PAX5: variants seen among roughly 807,000 people sequenced by gnomAD.
PAX5 encodes paired box 5.
A neutral mutation model predicts 43.7 loss-of-function variants in PAX5; 9 were observed. That is an observed-to-expected ratio of 0.21 (90% CI 0.12 to 0.36). The LOEUF (loss-of-function observed/expected upper bound fraction) is 0.36, where lower values mean the gene tolerates loss of function less well. Ranked by LOEUF, PAX5 falls within the 10% of genes least tolerant of loss-of-function variation. The pLI is 1.00. For missense variants in PAX5, 383 were observed against 532.7 expected (o/e 0.72, Z 2.77); for synonymous variants, 228 against 214.3 (o/e 1.06, Z -0.56).
intron 5 of PAX5, among the ~76,000 whole-genome samples, chr9:36,979,087 G>A (rs1489357861): frequency 6.6e-6 from 1 of 152,194 alleles, no homozygotes; most frequent in Non-Finnish European, 1.5e-5. Context: ...TCATGTTTCG[G>A]TGATAGTACC....
chr9:37,000,228 C>T (rs758534320), intron 5 of PAX5, among the ~76,000 whole-genome samples: 25 of 152,276 alleles, frequency 1.6e-4, no homozygotes, highest in East Asian at 5.8e-4. Context: ...GGTGTGAGCC[C>T]GGCCATTGCT....
intron 6 of PAX5, among the ~76,000 whole-genome samples, chr9:36,935,249 G>A (rs993024443): frequency 2.6e-5 from 4 of 152,154 alleles, no homozygotes; most frequent in African/African-American, 9.7e-5. Flanking sequence ...GCATGGTGGT[G>A]CATGCCTGTA....
intron 8 of PAX5, among the ~76,000 whole-genome samples, chr9:36,851,200 C>T (rs1180175418): frequency 6.6e-6 from 1 of 152,188 alleles, no homozygotes; most frequent in Non-Finnish European, 1.5e-5. Flanking sequence ...ACTACCTTTT[C>T]CCCAGGCCAA....
At position 36,837,781 on chromosome 9, in the gene PAX5, G is replaced by C. The variant is rs564284640; in HGVS notation, c.*2779C>G. Reference sequence around the variant, plus strand: ...GCCTCAGGTGAGGGAGGAAAGGTATGGGGGGAGCTCATTACAGGGCAAGAA... The same window carrying C: ...GCCTCAGGTGAGGGAGGAAAGGTATCGGGGGAGCTCATTACAGGGCAAGAA... On this transcript the variant is annotated 3_prime_UTR_variant, in exon 10 of 10. Coordinates refer to ENST00000358127, the MANE Select transcript of PAX5 (RefSeq NM_016734.3). 2 of 233,424 alleles carry C rather than the reference G, an allele frequency of 8.6e-6. No individual in the cohort carries two copies. The highest frequency in any genetic ancestry group is 5.6e-5 in the Admixed American group (1 of 17,800). 14.5% of individuals were successfully genotyped at this position (233,424 alleles called of 1,614,324 possible).
At chr9:36,978,813 G>A (rs556520437) in intron 5 of PAX5, among the ~76,000 whole-genome samples, 40 of 152,240 alleles carry the variant, frequency 2.6e-4, no homozygotes, top group Admixed American at 2.1e-3. Context: ...CCATTTCGAT[G>A]GGGCTGATGG....
At chr9:36,984,887 A>G (rs1836265470) in intron 5 of PAX5, among the ~76,000 whole-genome samples, 2 of 152,208 alleles carry the variant, frequency 1.3e-5, no homozygotes. Context: ...ATTTTTTCCC[A>G]GTGGTCACAC....
chr9:36,899,552 G>T (rs897639544), intron 7 of PAX5, among the ~76,000 whole-genome samples: 9 of 151,368 alleles, frequency 5.9e-5, no homozygotes, highest in Non-Finnish European at 1.2e-4. Flanking sequence ...CTTTTTTTTT[G>T]AGCCCAATCG....
intron 5 of PAX5, among the ~76,000 whole-genome samples, chr9:36,986,606 G>A (rs947984109): frequency 2.6e-5 from 4 of 152,110 alleles, no homozygotes; most frequent in African/African-American, 9.7e-5. Flanking sequence ...CCTCCTGGAA[G>A]TCGTCTGCCC....
At chr9:37,033,894 G>A (rs150432925) in intron 1 of PAX5, 92 bp downstream of exon 1, 3 of 1,110,366 alleles carry the variant, frequency 2.7e-6, no homozygotes, top group African/African-American at 3.1e-5. Context: ...AATGCGGCGC[G>A]CCCCCTCCTC....
At chr9:36,897,816 C>T (rs191075792) in intron 7 of PAX5, among the ~76,000 whole-genome samples, 1 of 152,366 alleles carries the variant, frequency 6.6e-6, no homozygotes, top group African/African-American at 2.4e-5. Context: ...AATTACAACA[C>T]TTTCTTTTGT....
At chr9:36,982,425 A>G (rs1166987076) in intron 5 of PAX5, among the ~76,000 whole-genome samples, 2 of 152,234 alleles carry the variant, frequency 1.3e-5, no homozygotes, top group African/African-American at 4.8e-5. Flanking sequence ...ACCCAGTCTC[A>G]GCCCTCAGGG....
Position 37,033,975 on chromosome 9 carries a change from C to T in PAX5, c.46+11G>A. On this transcript the variant is annotated intron_variant, in intron 1 of 9. Transcript: ENST00000358127. ...GAGTTTGCACATCTGGAGCCCGTATCGCGGTCCTACCTGTCCTGCTGGTCC... is the reference window on the plus strand; with the variant it reads ...GAGTTTGCACATCTGGAGCCCGTATTGCGGTCCTACCTGTCCTGCTGGTCC... 2 of 1,611,474 alleles carry T rather than the reference C, an allele frequency of 1.2e-6. No homozygotes were observed. Among genetic ancestry groups the T allele is most frequent in the Non-Finnish European group, 8.5e-7 (1 of 1,179,402 alleles).
At chr9:36,920,453 C>T (rs1299606635) in intron 7 of PAX5, among the ~76,000 whole-genome samples, 1 of 152,142 alleles carries the variant, frequency 6.6e-6, no homozygotes, top group Non-Finnish European at 1.5e-5. Flanking sequence ...CAAGACCCTC[C>T]ACCAGCAAAA....
intron 7 of PAX5, among the ~76,000 whole-genome samples, chr9:36,898,916 C>T (rs1420562224): frequency 6.6e-6 from 1 of 152,098 alleles, no homozygotes; most frequent in East Asian, 1.9e-4. Context: ...ACTGCAGACA[C>T]CCATCGCCAC....
intron 6 of PAX5, among the ~76,000 whole-genome samples, chr9:36,956,127 A>G (rs549761004): frequency 2.0e-5 from 3 of 152,294 alleles, no homozygotes; most frequent in African/African-American, 4.8e-5. Flanking sequence ...TCAAAAGTCA[A>G]TTCTCACACA....
chr9:36,881,262 C>T (rs1027930168), intron 8 of PAX5, among the ~76,000 whole-genome samples: 5 of 152,198 alleles, frequency 3.3e-5, no homozygotes, highest in East Asian at 3.9e-4. Flanking sequence ...GGAGACAATG[C>T]TAACTCATAA....
At chr9:36,881,928 C>T (rs940685514) in intron 8 of PAX5, 76 bp downstream of exon 8, 40 of 1,055,878 alleles carry the variant, frequency 3.8e-5, no homozygotes, top group Non-Finnish European at 5.5e-5. Flanking sequence ...GTCACCCAGG[C>T]TGTTTGGGGG....
At chr9:36,898,751 A>G (rs1375492052) in intron 7 of PAX5, among the ~76,000 whole-genome samples, 1 of 152,098 alleles carries the variant, frequency 6.6e-6, no homozygotes, top group Non-Finnish European at 1.5e-5. Flanking sequence ...TCCTCGCCAC[A>G]TGAGGGGGCA....
At chr9:36,987,170 G>A (rs1426601759) in intron 5 of PAX5, among the ~76,000 whole-genome samples, 1 of 152,230 alleles carries the variant, frequency 6.6e-6, no homozygotes, top group Non-Finnish European at 1.5e-5. Flanking sequence ...GCTGCATTCA[G>A]GGAAAGGCGC....
Sources: gnomAD v4.1 joint callset for allele counts (sites outside exome capture counted in the v4.1 genomes callset) on GRCh38, gnomAD v4.1.1 for gene constraint, MANE v1.5 for transcripts, NCBI Gene and HGNC (gene_info 2026-07-23, HGNC 2026-07-21) for gene names.